The following FBXO21 variants were observed in gnomAD, a reference collection of about 807,000 sequenced individuals.
The protein encoded by FBXO21 is F-box only protein 21.
FBXO21 carries 32 observed loss-of-function variants against 76.6 expected under a neutral mutation model. The observed-to-expected ratio is 0.42, with a 90% CI of 0.32 to 0.56. The LOEUF (loss-of-function observed/expected upper bound fraction) is 0.56. FBXO21 is among the 20% of genes least tolerant of loss of function. The pLI is 0.16. For synonymous variants in FBXO21, 328 were observed against 311.5 expected (o/e 1.05, Z -0.56); for missense variants, 586 against 797.3 (o/e 0.73, Z 3.19).
intron 11 of FBXO21, among the ~76,000 whole-genome samples, chr12:117,153,772 G>A (rs1406608208): frequency 1.3e-5 from 2 of 152,238 alleles, no homozygotes; most frequent in Non-Finnish European, 2.9e-5. Context: ...GAAGTTCTAC[G>A]TTTTAAATTC....
At position 117,172,577 on chromosome 12, in the gene FBXO21, T is replaced by C; in HGVS notation, c.907A>G (p.Ser303Gly). Residue 303 changes from serine to glycine, a missense_variant, in exon 7 of 12, where the codon AGC (serine) becomes GGC (glycine). Coordinates refer to ENST00000622495, the MANE Select transcript of FBXO21 (RefSeq NM_015002.3). Reference protein sequence around the residue: ...VLIRRTGIPISMSLLYLTIAR... With the variant: ...VLIRRTGIPIGMSLLYLTIAR... The stretch of plus-strand genomic sequence containing the variant: ...ATTGTCAAATAGAGCAGAGACATGC[T>C]GATTGGGATTCCTGTTCTGCGAATC... 6.2e-7 allele frequency: 1 copy of C among 1,613,644 alleles called. No homozygotes were observed. Among genetic ancestry groups the C allele is most frequent in the Non-Finnish European group, 8.5e-7 (1 of 1,179,572 alleles).
intron 2 of FBXO21, among the ~76,000 whole-genome samples, chr12:117,187,240 G>C (rs545668852): frequency 6.6e-6 from 1 of 151,610 alleles, no homozygotes; most frequent in African/African-American, 2.4e-5. Flanking sequence ...GACCAACATA[G>C]AGAAACCCCA....
At position 117,146,121 on chromosome 12, in the gene FBXO21, A is replaced by T; in HGVS notation, c.1832T>A (p.Ile611Asn). 6.2e-7 allele frequency: 1 copy of T among 1,611,170 alleles called. No homozygotes were observed. The highest frequency in any genetic ancestry group is 8.5e-7 in the Non-Finnish European group (1 of 1,179,080). Residue 611 changes from isoleucine (I) to asparagine (N), a missense_variant, in exon 12 of 12, where the codon ATT (isoleucine) becomes AAT (asparagine). This residue lies in a region of FBXO21 where 164 missense variants were observed against 236.7 expected (regional missense o/e 0.69). Coordinates refer to ENST00000622495, the MANE Select transcript of FBXO21 (RefSeq NM_015002.3). ...TATGTTCTCTTTCTTTGCACTGTAA[A>T]TATTCTGCACCGTTTCATAGACAAA... ...LEFVYETVQN[I>N]YSAKKENIDE
At chr12:117,146,516 CT>C (rs1212447578) in intron 11 of FBXO21, among the ~76,000 whole-genome samples, 1 of 152,188 alleles carries the variant, frequency 6.6e-6, no homozygotes, top group Non-Finnish European at 1.5e-5. Context: ...CAGGATCTTC[CT>C]CATCTCTAAG....
rs376499056 is a variant in FBXO21 at position 117,190,439 on chromosome 12, G to C, written c.18C>G (p.Val6=). 14 of 1,392,144 alleles carry C rather than the reference G, an allele frequency of 1.0e-5. No individual in the cohort carries two copies. The highest frequency in any genetic ancestry group is 4.8e-5 in the Admixed American group (2 of 41,338). 86.2% of individuals were successfully genotyped at this position (1,392,144 alleles called of 1,614,324 possible). ...CCGGCACCACCTCCATCGCGCTGTC[G>C]ACTGCTGCCGCCGCCATCTTGTCCG... MAAAA[V]DSAMEVVPAL... is the part of the protein sequence containing the mutation. Residue 6 remains valine, a synonymous_variant, in exon 1 of 12, where the codon GTC becomes GTG. Coordinates refer to ENST00000622495, the MANE Select transcript of FBXO21 (RefSeq NM_015002.3).
chr12:117,153,481 G>T (rs1457439264), intron 11 of FBXO21, among the ~76,000 whole-genome samples: 1 of 152,250 alleles, frequency 6.6e-6, no homozygotes, highest in Non-Finnish European at 1.5e-5. Context: ...CATGCCCGGG[G>T]GCTGTTACAG....
intron 2 of FBXO21, among the ~76,000 whole-genome samples, chr12:117,188,458 T>C (rs1222719518): frequency 6.6e-6 from 1 of 151,990 alleles, no homozygotes; most frequent in Non-Finnish European, 1.5e-5. Flanking sequence ...GACATGAGAA[T>C]TGCTCGAGCC....
chr12:117,153,863 A>T (rs533447301), intron 11 of FBXO21, among the ~76,000 whole-genome samples: 5 of 152,334 alleles, frequency 3.3e-5, no homozygotes, highest in African/African-American at 9.6e-5. Flanking sequence ...GCAGATATTA[A>T]TTTTTTCAGT....
chr12:117,189,464 G>C, intron 1 of FBXO21, 102 bp from the exon 2 acceptor site: 2 of 1,273,984 alleles, frequency 1.6e-6, no homozygotes, highest in Admixed American at 3.7e-5. Context: ...GGCGTCCAGT[G>C]GTAAGAGGGA....
intron 11 of FBXO21, among the ~76,000 whole-genome samples, chr12:117,148,433 C>T (rs1056421769): frequency 6.6e-6 from 1 of 152,174 alleles, no homozygotes; most frequent in African/African-American, 2.4e-5. Context: ...AAGCAGGAGG[C>T]GGCCATGAAA....
chr12:117,170,257 T>G (rs1414733868), intron 7 of FBXO21, among the ~76,000 whole-genome samples: 1 of 147,320 alleles, frequency 6.8e-6, no homozygotes, highest in East Asian at 2.0e-4. Flanking sequence ...CTAAACAGAG[T>G]GGTCCATGTT....
At chr12:117,147,352 A>AG (rs141102502) in intron 11 of FBXO21, among the ~76,000 whole-genome samples, 11,626 of 149,436 alleles carry the variant, frequency 0.078, 631 homozygotes, top group East Asian at 0.15. Context: ...CTGTAATCCC[A>AG]GCACTTTGGG....
intron 2 of FBXO21, 128 bp from the exon 3 acceptor site, chr12:117,186,699 T>C (rs1956286365): frequency 1.7e-6 from 1 of 595,432 alleles, no homozygotes; most frequent in Non-Finnish European, 3.0e-6. Flanking sequence ...CTACACTACC[T>C]TGCACTACCA....
chr12:117,167,386 G>A (rs112308620), intron 7 of FBXO21, among the ~76,000 whole-genome samples: 6 of 152,320 alleles, frequency 3.9e-5, no homozygotes, highest in African/African-American at 1.4e-4. Context: ...GAGGCAGTCT[G>A]TTAATTCCAT....
At chr12:117,176,786 T>TA (rs776551680) in intron 4 of FBXO21, among the ~76,000 whole-genome samples, 55 of 151,552 alleles carry the variant, frequency 3.6e-4, no homozygotes, top group Middle Eastern at 3.4e-3. Flanking sequence ...ACATTTTTTT[T>TA]AAAAAAAGGA....
intron 4 of FBXO21, among the ~76,000 whole-genome samples, chr12:117,175,942 T>C (rs945310826): frequency 6.6e-6 from 1 of 152,214 alleles, no homozygotes; most frequent in African/African-American, 2.4e-5. Context: ...AAAAATATAC[T>C]ATTCTTAACT....
At chr12:117,189,148 G>T in intron 2 of FBXO21, 79 bp downstream of exon 2, 1 of 1,528,184 alleles carries the variant, frequency 6.5e-7, no homozygotes, top group Non-Finnish European at 9.1e-7. Context: ...TACGAAAAGA[G>T]CTGGATGAGC....
chr12:117,153,114 G>A (rs1345328193), intron 11 of FBXO21, among the ~76,000 whole-genome samples: 2 of 152,004 alleles, frequency 1.3e-5, no homozygotes, highest in Admixed American at 6.5e-5. Context: ...CCAGGGACAC[G>A]CTAGGAAGAT....
chr12:117,184,028 T>A (rs372950372), intron 3 of FBXO21, among the ~76,000 whole-genome samples: 57 of 152,220 alleles, frequency 3.7e-4, no homozygotes, highest in African/African-American at 1.3e-3. Context: ...TTTTATTGAA[T>A]CACTGTGCTG....
Sources: gnomAD v4.1 joint callset for allele counts (sites outside exome capture counted in the v4.1 genomes callset) on GRCh38, gnomAD v4.1.1 for gene constraint, gnomAD v4.1.1 regional missense constraint, MANE v1.5 for transcripts, NCBI Gene and HGNC (gene_info 2026-07-23, HGNC 2026-07-21) for gene names.